Variants in VPS13A observed in about 807,000 individuals in gnomAD.
VPS13A encodes the protein vacuolar protein sorting 13 homolog A, also known as intermembrane lipid transfer protein VPS13A.
In VPS13A, 264 loss-of-function variants were observed where a neutral mutation model predicts 390.9. The observed-to-expected ratio is 0.68, with a 90% CI of 0.61 to 0.75. VPS13A has a LOEUF of 0.75. VPS13A is among the 30% of genes least tolerant of loss of function. The probability of loss-of-function intolerance (pLI) is 0.00; values close to 1 mark genes in which losing one functional copy is unlikely to be tolerated. For missense variants in VPS13A, 3,409 were observed against 3,733.9 expected, an observed-to-expected ratio of 0.91 and a Z score of 2.27; for synonymous variants, 1,231 against 1,227.1, an observed-to-expected ratio of 1.00 and a Z score of -0.07.
At chr9:77,263,794 G>A (rs977135425) in intron 23 of VPS13A, among the ~76,000 whole-genome samples, 3 of 152,028 alleles carry the variant, frequency 2.0e-5, no homozygotes, top group African/African-American at 7.3e-5. Flanking sequence ...CATTGCTTTT[G>A]GTGTTTTAGT....
rs531105112 is a variant in VPS13A, at chr9:77,329,044, C to G, written c.5992-2966C>G. ...ACAAGACCATCAGATCTCGTGAGAA[C>G]TCATTCACCATCACGAGAACAGCAT... On this transcript the variant is annotated intron_variant, in intron 45 of 71. Transcript: ENST00000360280. Among the ~76,000 whole-genome samples, 5 of 152,264 alleles carry G rather than the reference C, an allele frequency of 3.3e-5. No homozygotes were observed. The East Asian group carries it at 9.7e-4, about 29-fold the overall frequency.
At chr9:77,402,823 G>A (rs908513056) in intron 68 of VPS13A, among the ~76,000 whole-genome samples, 8 of 152,132 alleles carry the variant, frequency 5.3e-5, no homozygotes, top group African/African-American at 1.9e-4. Flanking sequence ...AATTTCTAGC[G>A]CAAGGCAGAA....
intron 25 of VPS13A, 137 bp downstream of exon 25, chr9:77,275,789 C>T (rs1044626464): frequency 1.9e-6 from 2 of 1,049,638 alleles, no homozygotes; most frequent in Non-Finnish European, 2.8e-6. Flanking sequence ...CTGTGTGATT[C>T]TTGGTCACTC....
chr9:77,371,569 T>C (rs1449749494), intron 67 of VPS13A, among the ~76,000 whole-genome samples: 3 of 152,084 alleles, frequency 2.0e-5, no homozygotes, highest in African/African-American at 4.8e-5. Context: ...TTCCAACACA[T>C]GCTCTTGGAG....
rs759849795 is a variant in VPS13A, at chr9:77,317,599, C to G, written c.4864-7C>G. 5.7e-6 allele frequency: 9 copies of G among 1,592,888 alleles called. No individual in the cohort carries two copies. The highest frequency in any genetic ancestry group is 2.3e-5 in the East Asian group (1 of 44,112). ...TTAATTTAGTGGTATTGATTTTTCT[C>G]TCATAGGTTTTGCAGCCCTGTGACT... On this transcript the variant is annotated splice_region_variant and splice_polypyrimidine_tract_variant and intron_variant, in intron 39 of 71. Transcript: ENST00000360280.
At chr9:77,415,546 A>C (rs1006331060) in intron 71 of VPS13A, among the ~76,000 whole-genome samples, 1 of 152,204 alleles carries the variant, frequency 6.6e-6, no homozygotes, top group African/African-American at 2.4e-5. Flanking sequence ...AGAGCACCTA[A>C]AATGCTCAAG....
rs1005038729 is a variant in VPS13A at position 77,220,018 on chromosome 9, T to C, written c.819T>C (p.Ser273=). ...VMNRRSDFDF[S]APKINLEIEL... The stretch of plus-strand genomic sequence containing the variant: ...ATCGCCGATCTGATTTTGACTTTTC[T>C]GCCCCCAAAATAAACTTGGAAATTG... The change falls in exon 11 of 72, where the codon TCT becomes TCC. Residue 273 remains serine (S), a synonymous_variant. Coordinates refer to ENST00000360280, the MANE Select transcript of VPS13A (RefSeq NM_033305.3). 5.6e-6 allele frequency: 9 copies of C among 1,613,352 alleles called. No homozygotes were observed. Among genetic ancestry groups the C allele is most frequent in the Non-Finnish European group, 7.6e-6 (9 of 1,179,580 alleles).
At chr9:77,196,871 A>T (rs1050021804) in intron 1 of VPS13A, among the ~76,000 whole-genome samples, 1 of 152,138 alleles carries the variant, frequency 6.6e-6, no homozygotes, top group African/African-American at 2.4e-5. Flanking sequence ...AGTGGGAATG[A>T]TGGATCATAT....
intron 59 of VPS13A, among the ~76,000 whole-genome samples, chr9:77,361,024 A>G (rs1390462398): frequency 1.3e-5 from 2 of 152,116 alleles, no homozygotes; most frequent in African/African-American, 2.4e-5. Context: ...TGACTGGAAG[A>G]CCATAAAATC....
In VPS13A at chr9:77,315,453, G is replaced by A; in HGVS notation, c.4613G>A (p.Trp1538Ter). 1 of 1,613,822 alleles carries A rather than the reference G, an allele frequency of 6.2e-7. No individual in the cohort carries two copies. Among genetic ancestry groups the A allele is most frequent in the Non-Finnish European group, 8.5e-7 (1 of 1,179,796 alleles). ...GTAVETSVQT[W>*]TAKEEVPTQE... ...GCTGTAGAAACCAGTGTGCAAACAT[G>A]GACTGCTAAGGAAGAAGGTTAGTTA... Residue 1538 changes from tryptophan to a stop codon, truncating the protein, a stop_gained, in exon 38 of 72, where the codon TGG becomes TAG. Transcript: ENST00000360280. LOFTEE classifies it high-confidence loss of function.
chr9:77,316,714 CT>C (rs1312892140), intron 39 of VPS13A, among the ~76,000 whole-genome samples: 1 of 152,000 alleles, frequency 6.6e-6, no homozygotes, highest in Non-Finnish European at 1.5e-5. Flanking sequence ...GCTCTTTGGA[CT>C]TTTAAGACTT....
chr9:77,178,158 G>A (rs1423795862), intron 1 of VPS13A: 7 of 290,094 alleles, frequency 2.4e-5, no homozygotes, highest in South Asian at 6.3e-5. Flanking sequence ...GCCGCGCGGG[G>A]CGAGGAGGCG....
intron 70 of VPS13A, among the ~76,000 whole-genome samples, chr9:77,406,533 T>C (rs572687746): frequency 2.6e-5 from 4 of 152,266 alleles, no homozygotes; most frequent in Admixed American, 1.3e-4. Flanking sequence ...TTCTCCTGCC[T>C]CAGCCTCCTG....
Position 77,337,315 on chromosome 9 carries a change from T to G in VPS13A, c.6156T>G (p.Phe2052Leu), listed in dbSNP as rs778991121. ...ATCAAATGTGTGAAGGAATTGACTT[T>G]GAAGAGATTATAAAAAATGATGGTG... ...ENYQMCEGID[F>L]EEIIKNDGAL... The change falls in exon 47 of 72, where the codon TTT becomes TTG. Residue 2052 changes from phenylalanine (F) to leucine (L), a missense_variant. Phe to Leu is a conservative substitution (Grantham distance 22). Coordinates refer to ENST00000360280, the MANE Select transcript of VPS13A (RefSeq NM_033305.3). 2.2e-5 allele frequency: 35 copies of G among 1,613,044 alleles called. No individual in the cohort carries two copies. The highest frequency in any genetic ancestry group is 2.8e-5 in the Non-Finnish European group (33 of 1,179,632).
chr9:77,206,790 A>C (rs527875703), intron 5 of VPS13A, among the ~76,000 whole-genome samples: 3 of 152,170 alleles, frequency 2.0e-5, no homozygotes, highest in Non-Finnish European at 4.4e-5. Flanking sequence ...TCATTCATTT[A>C]ATAGTTAAAC....
At chr9:77,344,087 A>T in intron 50 of VPS13A, 66 bp from the exon 51 acceptor site, 1 of 1,367,984 alleles carries the variant, frequency 7.3e-7, no homozygotes, top group Non-Finnish European at 1.0e-6. Context: ...TGGGAATATT[A>T]AGATGATTTA....
chr9:77,348,292 G>T (rs948929879), intron 52 of VPS13A, among the ~76,000 whole-genome samples: 1 of 152,108 alleles, frequency 6.6e-6, no homozygotes, highest in Admixed American at 6.5e-5. Context: ...CTATGCAGCC[G>T]TAAAAAGGAA....
intron 13 of VPS13A, among the ~76,000 whole-genome samples, chr9:77,225,330 C>T (rs1823446725): frequency 6.6e-6 from 1 of 152,062 alleles, no homozygotes. Flanking sequence ...AGTGCAGTGG[C>T]ACCATGACCC....
chr9:77,310,547 C>G (rs1312353470), intron 35 of VPS13A, among the ~76,000 whole-genome samples: 1 of 152,122 alleles, frequency 6.6e-6, no homozygotes, highest in Non-Finnish European at 1.5e-5. Flanking sequence ...AGAAGAGAAC[C>G]TCTTATTTTT....
Sources: allele counts gnomAD v4.1 joint callset (sites outside exome capture counted in the v4.1 genomes callset), GRCh38; gene constraint gnomAD v4.1.1; transcripts MANE v1.5; gene names NCBI Gene and HGNC (gene_info 2026-07-23, HGNC 2026-07-21).